Variants in DMTN observed in about 807,000 individuals in gnomAD.
DMTN encodes the protein dematin.
A neutral mutation model predicts 59.4 loss-of-function variants in DMTN; 27 were observed. That is an observed-to-expected ratio of 0.45 (90% confidence interval 0.33 to 0.63). The LOEUF is 0.63. DMTN is among the 20% of genes least tolerant of loss of function. DMTN has a pLI of 0.02. For missense variants in DMTN, 451 were observed against 528.9 expected (o/e 0.85, Z 1.45); for synonymous variants, 221 against 203.7 (o/e 1.08, Z -0.72).
At position 22,058,284 on chromosome 8, in the gene DMTN, A is replaced by G. The variant is rs1803864592; in HGVS notation, c.-172+1148A>G. On this transcript the variant is annotated intron_variant, in intron 1 of 15. Transcript: ENST00000358242. This position sits in a 1 kb window ranked among gnomAD's most constrained non-coding sequence, Gnocchi z 4.3. ...TGTCCACCCGTGGGTGGATGTCTGCAGAATCCCTCTCCTAGAGCTCCTGGG... is the reference window on the plus strand; with the variant it reads ...TGTCCACCCGTGGGTGGATGTCTGCGGAATCCCTCTCCTAGAGCTCCTGGG... 6.6e-6 allele frequency among the ~76,000 whole-genome samples: 1 copy of G among 152,148 alleles called. No individual in the cohort carries two copies. The highest frequency in any genetic ancestry group is 2.1e-4 in the South Asian group (1 of 4,822).
chr8:22,061,424 T>C (rs1806354178), intron 1 of DMTN, among the ~76,000 whole-genome samples: 1 of 152,202 alleles, frequency 6.6e-6, no homozygotes, highest in Non-Finnish European at 1.5e-5. Context: ...TGTTTCTGAG[T>C]GCCTGTGCCT....
In DMTN at chr8:22,081,689, G is replaced by T; in HGVS notation, c.*226G>T. On this transcript the variant is annotated 3_prime_UTR_variant, in exon 16 of 16. Coordinates refer to ENST00000358242, the MANE Select transcript of DMTN (RefSeq NM_001387751.1). ...TCGTCCCTGGCCCTCCCTGCACAGG[G>T]CAAAGCCAGTCTGGGCTCTGGCACA... 3.3e-6 allele frequency: 2 copies of T among 598,316 alleles called. No individual in the cohort carries two copies. Among genetic ancestry groups the T allele is most frequent in the Non-Finnish European group, 6.0e-6 (2 of 330,866 alleles). The allele number at this position is 598,316 out of a possible 1,614,324, so 37.1% of individuals were successfully genotyped here. A position where few individuals can be genotyped will look rare whatever the true frequency, so the allele number is the denominator to read the frequency against.
Position 22,079,269 on chromosome 8 carries a change from A to ATATATAT in DMTN, c.836-911_836-910insTATATAT, listed in dbSNP as rs1554562269. 9.8e-3 allele frequency among the ~76,000 whole-genome samples: 206 copies of ATATATAT among 21,098 alleles called. 2 individuals are homozygous for ATATATAT. The highest frequency in any genetic ancestry group is 0.033 in the African/African-American group (194 of 5,868). The allele number at this position is 21,098 out of a possible 152,430, so 13.8% of individuals were successfully genotyped here. A position where few individuals can be genotyped will look rare whatever the true frequency, so the allele number is the denominator to read the frequency against. On this transcript the variant is annotated intron_variant, in intron 10 of 15. Coordinates refer to ENST00000358242, the MANE Select transcript of DMTN (RefSeq NM_001387751.1). ...TACAAAAAATAAAAATAAATAAATA[A>ATATATAT]ATAAATAAATATATATATATATATA...
intron 10 of DMTN, among the ~76,000 whole-genome samples, chr8:22,074,362 C>T (rs535908763): frequency 1.3e-5 from 2 of 152,212 alleles, no homozygotes; most frequent in African/African-American, 2.4e-5. Context: ...CAAACTCCAC[C>T]TCTCAGGCTC....
chr8:22,069,400 A>T lies in DMTN; in HGVS notation c.295-19A>T. ...GGAGGGGGTTAGGGGCCCTGGAGCC[A>T]CACGCTTCTGCTCTGCAGGTGTGGG... On this transcript the variant is annotated intron_variant, in intron 5 of 15. Coordinates refer to ENST00000358242, the MANE Select transcript of DMTN (RefSeq NM_001387751.1). The T allele has an allele frequency of 1.2e-6, 2 of 1,605,966 alleles. No individual in the cohort carries two copies. Among genetic ancestry groups the T allele is most frequent in the Non-Finnish European group, 1.7e-6 (2 of 1,176,050 alleles).
At chr8:22,076,731 ATTTTTTC>A (rs1820139936) in intron 10 of DMTN, among the ~76,000 whole-genome samples, 1 of 151,368 alleles carries the variant, frequency 6.6e-6, no homozygotes, top group Admixed American at 6.6e-5. Flanking sequence ...TGGGTGTCCT[ATTTTTTC>A]TTTTTTGGGT....
intron 10 of DMTN, among the ~76,000 whole-genome samples, chr8:22,079,111 T>C (rs972357589): frequency 6.0e-5 from 9 of 151,254 alleles, no homozygotes; most frequent in Non-Finnish European, 1.0e-4. Context: ...TGTCAGACTT[T>C]TAAAATTTGA....
At chr8:22,077,938 C>T (rs6557777) in intron 10 of DMTN, among the ~76,000 whole-genome samples, 2 of 152,222 alleles carry the variant, frequency 1.3e-5, no homozygotes, top group Admixed American at 6.6e-5. Context: ...ACTTATTATT[C>T]TAAGAGTGAA....
intron 10 of DMTN, among the ~76,000 whole-genome samples, chr8:22,077,050 A>G (rs1563524152): frequency 1.7e-5 from 1 of 59,894 alleles, no homozygotes; most frequent in Non-Finnish European, 4.8e-5. Context: ...GTATGTCCAC[A>G]GCTGGGGGCA....
chr8:22,066,700 C>G lies in DMTN; in HGVS notation c.-171-5C>G. ...CGGCGCGGCCTCCCTCCCTTCTCCC[C>G]GCAGCCTGGAGAGTCACCGCCGAGG... is the stretch of plus-strand genomic sequence containing the variant. On this transcript the variant is annotated splice_polypyrimidine_tract_variant and splice_region_variant and intron_variant, in intron 1 of 15. Transcript: ENST00000358242. 1 of 623,240 alleles carries G rather than the reference C, an allele frequency of 1.6e-6. No homozygotes were observed. The highest frequency in any genetic ancestry group is 2.3e-6 in the Non-Finnish European group (1 of 442,810). The allele number at this position is 623,240 out of a possible 1,614,324, so 38.6% of individuals were successfully genotyped here. A position where few individuals can be genotyped will look rare whatever the true frequency, so the allele number is the denominator to read the frequency against.
chr8:22,072,467 C>A lies in DMTN; in HGVS notation c.729+17C>A. 1 of 1,541,702 alleles carries A rather than the reference C, an allele frequency of 6.5e-7. No homozygotes were observed. Among genetic ancestry groups the A allele is most frequent in the South Asian group, 1.2e-5 (1 of 84,108 alleles). On this transcript the variant is annotated intron_variant, in intron 9 of 15. Transcript: ENST00000358242. ...CTCAGTAAGGTAGCATCTCACCACC[C>A]CCACCCTCCACCCCTGTGCAGGAGT...
At chr8:22,064,255 A>G (rs1808750462) in intron 1 of DMTN, among the ~76,000 whole-genome samples, 1 of 152,264 alleles carries the variant, frequency 6.6e-6, no homozygotes, top group Non-Finnish European at 1.5e-5. Flanking sequence ...AGCCAAGTGT[A>G]TAGCTAGTTT....
At chr8:22,073,106 C>T (rs1816997954) in intron 9 of DMTN, among the ~76,000 whole-genome samples, 1 of 152,164 alleles carries the variant, frequency 6.6e-6, no homozygotes, top group Non-Finnish European at 1.5e-5. Context: ...GTGACATGGG[C>T]CTAGGCTCTG....
At chr8:22,050,677 A>G (rs936639260), upstream of DMTN, among the ~76,000 whole-genome samples, 4 of 152,128 alleles carry the variant, frequency 2.6e-5, no homozygotes, top group African/African-American at 9.7e-5. Context: ...GGGCCGCTCC[A>G]GAGGCCTGTG....
chr8:22,073,668 AG>A, intron 9 of DMTN, 61 bp from the exon 10 acceptor site: 6 of 12,570 alleles, frequency 4.8e-4, no homozygotes, highest in Non-Finnish European at 5.5e-4. Context: ...AAAAAAAAAA[AG>A]AGAAAAAAGA....
Position 22,082,372 on chromosome 8 carries a change from T to C in DMTN, c.*909T>C. ...ACCTTACACCCCCAGCTTGACTTCTTTCCAGTCCACGTGTGTATATAATGA... is the reference window on the plus strand; with the variant it reads ...ACCTTACACCCCCAGCTTGACTTCTCTCCAGTCCACGTGTGTATATAATGA... On this transcript the variant is annotated 3_prime_UTR_variant, in exon 16 of 16. Transcript: ENST00000358242. 2.6e-6 allele frequency: 1 copy of C among 388,226 alleles called. No individual in the cohort carries two copies. The highest frequency in any genetic ancestry group is 5.2e-6 in the Non-Finnish European group (1 of 192,704). The allele number at this position is 388,226 out of a possible 1,614,324, so 24.0% of individuals were successfully genotyped here.
In DMTN at chr8:22,067,803, A is replaced by G. The variant is rs898355376; in HGVS notation, c.249+121A>G. 15 of 1,227,872 alleles carry G rather than the reference A, an allele frequency of 1.2e-5. No homozygotes were observed. In the South Asian group the frequency reaches 2.0e-4, roughly 17 times the overall value. The allele number at this position is 1,227,872 out of a possible 1,614,324, so 76.1% of individuals were successfully genotyped here. The stretch of plus-strand genomic sequence containing the variant: ...CTGCCTCGGCAAAACAAGAGAGGGA[A>G]CTGTGCGCAGGAACCAACCAGTCAG... On this transcript the variant is annotated intron_variant, in intron 4 of 15. Transcript: ENST00000358242.
chr8:22,049,675 C>G (rs1475579252), upstream of DMTN, among the ~76,000 whole-genome samples: 1 of 151,394 alleles, frequency 6.6e-6, no homozygotes, highest in African/African-American at 2.4e-5. Context: ...CCTACCCTCA[C>G]GGAGCCCTCT....
intron 6 of DMTN, 87 bp from the exon 7 acceptor site, chr8:22,069,794 T>G: frequency 6.7e-7 from 1 of 1,486,486 alleles, no homozygotes; most frequent in Non-Finnish European, 9.4e-7. Flanking sequence ...GTTCCCCACC[T>G]TGTCCCGTTC....
Sources: gnomAD v4.1 joint callset for allele counts (sites outside exome capture counted in the v4.1 genomes callset) on GRCh38, gnomAD v4.1.1 for gene constraint, Gnocchi (gnomAD v3.1) non-coding constraint, MANE v1.5 for transcripts, NCBI Gene and HGNC (gene_info 2026-07-23, HGNC 2026-07-21) for gene names.